NME7: variants seen among roughly 807,000 people sequenced by gnomAD.
NME7 encodes NME/NM23 family member 7, also known as nucleoside diphosphate kinase 7.
Under a neutral mutation model 49.1 loss-of-function variants are expected in NME7, and 41 were observed. The ratio of observed to expected loss-of-function variants is 0.83; its 90% CI spans 0.65 to 1.08. The LOEUF is 1.08. NME7 is among the 50% of genes least tolerant of loss of function. The pLI is 0.00. For missense variants in NME7, 423 were observed against 463.4 expected, an observed-to-expected ratio of 0.91 and a Z score of 0.80; for synonymous variants, 139 against 150.6, an observed-to-expected ratio of 0.92 and a Z score of 0.56.
intron 7 of NME7, among the ~76,000 whole-genome samples, chr1:169,280,859 C>A (rs1649981110): frequency 1.3e-5 from 2 of 151,106 alleles, no homozygotes; most frequent in Non-Finnish European, 2.9e-5. Context: ...TTACTGTAGC[C>A]TTGTAGTATA....
chr1:169,341,933 G>A (rs764615062), intron 1 of NME7, among the ~76,000 whole-genome samples: 1 of 152,086 alleles, frequency 6.6e-6, no homozygotes, highest in African/African-American at 2.4e-5. Flanking sequence ...GATTTTATAG[G>A]CTCACAGGTA....
intron 10 of NME7, among the ~76,000 whole-genome samples, chr1:169,225,976 C>A (rs1278375383): frequency 6.6e-6 from 1 of 151,914 alleles, no homozygotes; most frequent in Non-Finnish European, 1.5e-5. Context: ...GGACCCATTT[C>A]GATAGAAAAA....
rs1036471059 is a variant in NME7, at chr1:169,324,014, C to T, written c.111+379G>A. On this transcript the variant is annotated intron_variant, in intron 2 of 11. Coordinates refer to ENST00000367811, the MANE Select transcript of NME7 (RefSeq NM_013330.5). Reference sequence around the variant, plus strand: ...GATTACAGGCATGTGCCACCACACCCGGCTAATTTTTTGTATCTTTAGTAG... The same window carrying T: ...GATTACAGGCATGTGCCACCACACCTGGCTAATTTTTTGTATCTTTAGTAG... Among the ~76,000 whole-genome samples the T allele has an allele frequency of 7.2e-5, 11 of 151,792 alleles. No homozygotes were observed. In the East Asian group the frequency reaches 9.8e-4, roughly 13 times the overall value.
At chr1:169,204,691 C>A (rs1442653500) in intron 10 of NME7, among the ~76,000 whole-genome samples, 7 of 152,040 alleles carry the variant, frequency 4.6e-5, no homozygotes, top group Non-Finnish European at 1.0e-4. Context: ...TCTCTTAAAG[C>A]ATTTATCTTA....
At chr1:169,144,194 T>A (rs1021372733) in intron 11 of NME7, among the ~76,000 whole-genome samples, 1 of 152,022 alleles carries the variant, frequency 6.6e-6, no homozygotes, top group Non-Finnish European at 1.5e-5. Context: ...CTGGGCAACA[T>A]AGTGAGACTC....
intron 6 of NME7, among the ~76,000 whole-genome samples, chr1:169,290,537 G>C (rs1455726592): frequency 2.0e-5 from 3 of 152,042 alleles, no homozygotes; most frequent in Non-Finnish European, 4.4e-5. Flanking sequence ...AGACATAAAT[G>C]TAAGACCTAA....
chr1:169,252,368 A>G (rs1203619589), intron 7 of NME7, among the ~76,000 whole-genome samples: 1 of 152,212 alleles, frequency 6.6e-6, no homozygotes, highest in Middle Eastern at 3.4e-3. Context: ...CCTTTTGAGA[A>G]GTGTCTGTTC....
In NME7 at chr1:169,367,759, A is replaced by AAAC. The variant is rs1553198943; in HGVS notation, c.-50_-49insGTT. The AAAC allele has an allele frequency of 6.2e-7, 1 of 1,612,232 alleles. No homozygotes were observed. The highest frequency in any genetic ancestry group is 1.7e-5 in the Admixed American group (1 of 60,010). On this transcript the variant is annotated 5_prime_UTR_variant, in exon 1 of 12. Transcript: ENST00000367811. ...AAATAGGTATCGTTGAGACAGGAAG[A>AAAC]CACCACCACCACCACCATCATACGG...
intron 11 of NME7, among the ~76,000 whole-genome samples, chr1:169,143,548 T>C (rs1366067960): frequency 7.9e-5 from 12 of 152,182 alleles, no homozygotes; most frequent in Admixed American, 7.9e-4. Context: ...TCCATTTCCT[T>C]TTGTGATTAT....
At chr1:169,274,402 C>G (rs1293922089) in intron 7 of NME7, among the ~76,000 whole-genome samples, 1 of 132,528 alleles carries the variant, frequency 7.5e-6, no homozygotes, top group Non-Finnish European at 1.8e-5. Flanking sequence ...AAAATTTTCT[C>G]CCATTTTGTA....
intron 10 of NME7, among the ~76,000 whole-genome samples, chr1:169,201,102 G>A (rs893441588): frequency 3.9e-5 from 6 of 151,992 alleles, no homozygotes; most frequent in African/African-American, 1.2e-4. Flanking sequence ...GTGGCGGCAC[G>A]CACTTGTAGT....
intron 7 of NME7, among the ~76,000 whole-genome samples, chr1:169,281,635 C>T (rs893972542): frequency 2.6e-5 from 4 of 152,232 alleles, no homozygotes; most frequent in African/African-American, 9.6e-5. Context: ...CCATCAATAC[C>T]TAGTTTATTG....
chr1:169,180,896 G>GAGCT (rs1326761447), intron 10 of NME7, among the ~76,000 whole-genome samples: 1 of 152,094 alleles, frequency 6.6e-6, no homozygotes, highest in African/African-American at 2.4e-5. Flanking sequence ...AGGTGCTGGA[G>GAGCT]AGCTATATGT....
chr1:169,300,374 T>C (rs1381364913), intron 5 of NME7, among the ~76,000 whole-genome samples: 2 of 152,152 alleles, frequency 1.3e-5, no homozygotes, highest in Non-Finnish European at 2.9e-5. Context: ...TTTTCTTACA[T>C]ACAAATTTTT....
chr1:169,238,179 G>T (rs1647935514), intron 7 of NME7, among the ~76,000 whole-genome samples: 1 of 151,908 alleles, frequency 6.6e-6, no homozygotes, highest in Non-Finnish European at 1.5e-5. Context: ...GGCTTATACA[G>T]GGATAGGAGA....
At chr1:169,257,346 C>T (rs1400525697) in intron 7 of NME7, among the ~76,000 whole-genome samples, 1 of 134,466 alleles carries the variant, frequency 7.4e-6, no homozygotes, top group East Asian at 2.0e-4. Flanking sequence ...GTCCGGCATC[C>T]CTTTCTTTGA....
chr1:169,250,211 T>C (rs1648503958), intron 7 of NME7, among the ~76,000 whole-genome samples: 1 of 152,218 alleles, frequency 6.6e-6, no homozygotes, highest in Non-Finnish European at 1.5e-5. Context: ...GGAGTGTTTA[T>C]GTTTCCTGGA....
intron 7 of NME7, chr1:169,286,579 A>G (rs1487502535): frequency 1.3e-5 from 2 of 152,174 alleles, no homozygotes; most frequent in African/African-American, 4.8e-5. Flanking sequence ...ACATGTATAT[A>G]CATACATATG....
intron 10 of NME7, among the ~76,000 whole-genome samples, chr1:169,172,029 A>C (rs1659611405): frequency 6.6e-6 from 1 of 152,062 alleles, no homozygotes; most frequent in Non-Finnish European, 1.5e-5. Context: ...CTTCTGCTCA[A>C]TGTAAGCAAG....
Sources: allele counts gnomAD v4.1 joint callset (sites outside exome capture counted in the v4.1 genomes callset), GRCh38; gene constraint gnomAD v4.1.1; transcripts MANE v1.5; gene names NCBI Gene and HGNC (gene_info 2026-07-23, HGNC 2026-07-21).